Variants in CDK5RAP2 observed in about 807,000 individuals in gnomAD.
The protein encoded by CDK5RAP2 is CDK5 regulatory subunit-associated protein 2.
A neutral mutation model predicts 232.9 loss-of-function variants in CDK5RAP2; 147 were observed. The ratio of observed to expected loss-of-function variants is 0.63; its 90% CI spans 0.55 to 0.72. CDK5RAP2 has a LOEUF of 0.72. Ranked by LOEUF, CDK5RAP2 falls within the 30% of genes least tolerant of loss-of-function variation. The probability of loss-of-function intolerance (pLI) is 0.00; values close to 1 mark genes in which losing one functional copy is unlikely to be tolerated. For missense variants in CDK5RAP2, 2,195 were observed against 2,231.5 expected, an observed-to-expected ratio of 0.98 and a Z score of 0.33; for synonymous variants, 833 against 833.7, an observed-to-expected ratio of 1.00 and a Z score of 0.01.
At chr9:120,539,207 T>A in intron 5 of CDK5RAP2, 43 bp from the exon 6 acceptor site, 1 of 1,612,670 alleles carries the variant, frequency 6.2e-7, no homozygotes, top group Non-Finnish European at 8.5e-7. Flanking sequence ...AGGGTGATGG[T>A]CTGATGGTTA....
rs1293919506 is a variant in CDK5RAP2 at position 120,518,047 on chromosome 9, T to C, written c.1311+380A>G. Among the ~76,000 whole-genome samples the C allele has an allele frequency of 2.0e-4, 30 of 152,158 alleles. 1 individual carries two copies. The highest frequency in any genetic ancestry group is 2.0e-3 in the Admixed American group (30 of 15,278). On this transcript the variant is annotated intron_variant, in intron 12 of 37. Transcript: ENST00000349780. Reference sequence around the variant, plus strand: ...AATACATCCAAGTGATGAAATATTATGCTGGCACAAAAAAAATTGTTTTTG... The same window carrying C: ...AATACATCCAAGTGATGAAATATTACGCTGGCACAAAAAAAATTGTTTTTG...
Position 120,529,963 on chromosome 9 carries a change from G to A in CDK5RAP2, c.825+15C>T. 1 of 1,613,282 alleles carries A rather than the reference G, an allele frequency of 6.2e-7. No homozygotes were observed. Among genetic ancestry groups the A allele is most frequent in the Non-Finnish European group, 8.5e-7 (1 of 1,179,582 alleles). ...TGGCTAATTAAAGCCCCCTCTTCAT[G>A]TCCTGTCACCTCACCTCAGTTTCTC... is the stretch of plus-strand genomic sequence containing the variant. On this transcript the variant is annotated intron_variant, in intron 8 of 37. Coordinates refer to ENST00000349780, the MANE Select transcript of CDK5RAP2 (RefSeq NM_018249.6).
intron 36 of CDK5RAP2, among the ~76,000 whole-genome samples, chr9:120,391,531 TG>T (rs2031977931): frequency 6.6e-6 from 1 of 152,154 alleles, no homozygotes; most frequent in Non-Finnish European, 1.5e-5. Flanking sequence ...TTTCCAACGG[TG>T]GCCTCACTGA....
Position 120,400,776 on chromosome 9 carries a change from G to C in CDK5RAP2, c.5417C>G (p.Pro1806Arg). ...RLKLLWRVSL[P>R]EDGQCPLHCE... is the part of the protein sequence containing the mutation. Reference sequence around the variant, plus strand: ...GTGAAGGGGGCACTGGCCATCCTCGGGGAGTGAGACTCTCCAGAGAAGCTT... The same window carrying C: ...GTGAAGGGGGCACTGGCCATCCTCGCGGAGTGAGACTCTCCAGAGAAGCTT... The change falls in exon 35 of 38, where the codon CCC becomes CGC. Residue 1806 changes from proline to arginine, a missense_variant. Coordinates refer to ENST00000349780, the MANE Select transcript of CDK5RAP2 (RefSeq NM_018249.6). The C allele has an allele frequency of 6.2e-7, 1 of 1,614,034 alleles. No individual in the cohort carries two copies. The highest frequency in any genetic ancestry group is 2.2e-5 in the East Asian group (1 of 44,874).
intron 12 of CDK5RAP2, among the ~76,000 whole-genome samples, chr9:120,508,306 G>A (rs1354047284): frequency 6.6e-6 from 1 of 152,172 alleles, no homozygotes; most frequent in Non-Finnish European, 1.5e-5. Context: ...GCTCCTGCAG[G>A]CTGTGGCGGA....
At chr9:120,531,131 C>T (rs1022606231) in intron 7 of CDK5RAP2, among the ~76,000 whole-genome samples, 6 of 152,104 alleles carry the variant, frequency 3.9e-5, no homozygotes, top group African/African-American at 1.4e-4. Flanking sequence ...TCATCTCTCA[C>T]GGGAAACCAT....
Position 120,458,510 on chromosome 9 carries a change from G to T in CDK5RAP2, c.2315C>A (p.Ala772Glu). The change falls in exon 20 of 38, where the codon GCA (alanine) becomes GAA (glutamate). Residue 772 changes from alanine to glutamate, a missense_variant. Physicochemically the swap from Ala to Glu is moderately radical, Grantham distance 107. Coordinates refer to ENST00000349780, the MANE Select transcript of CDK5RAP2 (RefSeq NM_018249.6). ...AHAPGCLEEGAFINLLAPLFN... is the reference protein window; with the variant it reads ...AHAPGCLEEGEFINLLAPLFN... The stretch of plus-strand genomic sequence containing the variant: ...CAAAGGGGCAAGCAGGTTTATGAAT[G>T]CACCTTCTTCTAGGCAGCCAGGTGC... The T allele has an allele frequency of 6.2e-7, 1 of 1,614,166 alleles. No individual in the cohort carries two copies. Among genetic ancestry groups the T allele is most frequent in the Non-Finnish European group, 8.5e-7 (1 of 1,180,000 alleles).
At chr9:120,425,502 T>A (rs553956101) in intron 25 of CDK5RAP2, among the ~76,000 whole-genome samples, 1 of 152,312 alleles carries the variant, frequency 6.6e-6, no homozygotes, top group Admixed American at 6.5e-5. Context: ...GGACTTCATC[T>A]TTTCAAATAA....
chr9:120,459,334 C>T (rs191076696), intron 19 of CDK5RAP2, among the ~76,000 whole-genome samples: 234 of 152,238 alleles, frequency 1.5e-3, no homozygotes, highest in Middle Eastern at 0.01. Context: ...ATTCTTTCTC[C>T]CCTATCCAAA....
chr9:120,482,906 A>C (rs1430647425), intron 14 of CDK5RAP2, among the ~76,000 whole-genome samples: 3 of 152,220 alleles, frequency 2.0e-5, no homozygotes, highest in Admixed American at 6.5e-5. Flanking sequence ...CCATTTCATC[A>C]ATCACCTATT....
intron 14 of CDK5RAP2, among the ~76,000 whole-genome samples, chr9:120,482,622 G>A (rs750443229): frequency 5.9e-5 from 9 of 152,172 alleles, no homozygotes; most frequent in African/African-American, 1.9e-4. Flanking sequence ...CAGAGCTGGC[G>A]TGTCAGCCAC....
At chr9:120,415,297 G>C (rs2034146345) in intron 27 of CDK5RAP2, 138 bp from the exon 28 acceptor site, 2 of 919,850 alleles carry the variant, frequency 2.2e-6, no homozygotes, top group Admixed American at 4.0e-5. Context: ...TTCTTTCCTA[G>C]GCATGGGGAG....
At chr9:120,411,314 A>G (rs766654585) in intron 29 of CDK5RAP2, 44 bp downstream of exon 29, 7 of 1,155,214 alleles carry the variant, frequency 6.1e-6, no homozygotes, top group African/African-American at 1.5e-5. Context: ...ATGACACAGA[A>G]GGCTTTGGCG....
At chr9:120,512,424 C>A (rs1444114157) in intron 12 of CDK5RAP2, among the ~76,000 whole-genome samples, 2 of 152,138 alleles carry the variant, frequency 1.3e-5, no homozygotes, top group Non-Finnish European at 2.9e-5. Context: ...AACCCTAAAG[C>A]CTTTATTTTT....
At chr9:120,504,470 G>A (rs2039716804) in intron 12 of CDK5RAP2, among the ~76,000 whole-genome samples, 2 of 152,258 alleles carry the variant, frequency 1.3e-5, no homozygotes, top group South Asian at 4.2e-4. Context: ...GCAGTACTAA[G>A]AAAGGTATTC....
intron 17 of CDK5RAP2, among the ~76,000 whole-genome samples, chr9:120,468,552 T>C (rs2037515304): frequency 6.6e-6 from 1 of 152,252 alleles, no homozygotes; most frequent in East Asian, 1.9e-4. Flanking sequence ...AGCTTTAGTC[T>C]ATTATTCCTT....
chr9:120,546,961 A>G (rs1254331872), intron 4 of CDK5RAP2, among the ~76,000 whole-genome samples: 1 of 148,672 alleles, frequency 6.7e-6, no homozygotes, highest in East Asian at 2.0e-4. Context: ...ATTCTACTCC[A>G]TAATACATGT....
chr9:120,456,029 G>A (rs1001117763), intron 20 of CDK5RAP2, among the ~76,000 whole-genome samples: 32 of 151,948 alleles, frequency 2.1e-4, no homozygotes, highest in African/African-American at 7.5e-4. Flanking sequence ...AAACAATAAA[G>A]CAATCTGAAG....
chr9:120,555,741 A>G (rs2042205110), intron 3 of CDK5RAP2, among the ~76,000 whole-genome samples: 1 of 152,224 alleles, frequency 6.6e-6, no homozygotes, highest in Non-Finnish European at 1.5e-5. Context: ...TGTTCACACA[A>G]AAAACCTGTA....
Sources: gnomAD v4.1 joint callset for allele counts (sites outside exome capture counted in the v4.1 genomes callset) on GRCh38, gnomAD v4.1.1 for gene constraint, MANE v1.5 for transcripts, NCBI Gene and HGNC (gene_info 2026-07-23, HGNC 2026-07-21) for gene names.